TSBP1: variants seen among roughly 807,000 people sequenced by gnomAD.
TSBP1 encodes testis-expressed basic protein 1.
A neutral mutation model predicts 68.8 loss-of-function variants in TSBP1; 56 were observed. That is an observed-to-expected ratio of 0.81 (90% confidence interval 0.66 to 1.02). The LOEUF (loss-of-function observed/expected upper bound fraction) is 1.02, where lower values mean the gene tolerates loss of function less well. Among genes scored for constraint, TSBP1 ranks in the 50% least tolerant of loss-of-function variants. The probability of loss-of-function intolerance (pLI) is 0.00; values close to 1 mark genes in which losing one functional copy is unlikely to be tolerated. For synonymous variants in TSBP1, 171 were observed against 208.7 expected, an observed-to-expected ratio of 0.82 and a Z score of 1.56; for missense variants, 502 against 641.2, an observed-to-expected ratio of 0.78 and a Z score of 2.34.
At chr6:32,358,308 T>C (rs1315973796) in intron 6 of TSBP1, among the ~76,000 whole-genome samples, 2 of 152,140 alleles carry the variant, frequency 1.3e-5, no homozygotes, top group Non-Finnish European at 2.9e-5. Context: ...AAATATGAGA[T>C]GTAAATGACA....
intron 21 of TSBP1, 113 bp from the exon 25 acceptor site, chr6:32,300,049 C>CCACTTAGAAACAGGACTTGGAGGATG (rs1765125612): frequency 1.2e-6 from 1 of 838,808 alleles, no homozygotes; most frequent in Non-Finnish European, 2.0e-6. Context: ...GGAGGGAGCA[C>CCACTTAGAAACAGGACTTGGAGGATG]AAAACTCTGT....
Position 32,343,217 on chromosome 6 carries a change from G to T in TSBP1, c.350-3579C>A. ...TAGGAGCCCAACAACACCAGAGTTT[G>T]AAACAAGAAGATAAACTTACTCATG... On this transcript the variant is annotated intron_variant, in intron 9 of 22. Transcript: ENST00000612031. The surrounding 1 kb of genome is among the most constrained non-coding windows in gnomAD (Gnocchi z 4.3). 1.5e-6 allele frequency: 2 copies of T among 1,370,906 alleles called. No homozygotes were observed. The highest frequency in any genetic ancestry group is 1.9e-6 in the Non-Finnish European group (2 of 1,049,694). 84.9% of individuals were successfully genotyped at this position (1,370,906 alleles called of 1,614,324 possible). A position where few individuals can be genotyped will look rare whatever the true frequency, so the allele number is the denominator to read the frequency against.
At chr6:32,311,342 G>A (rs1766381886) in intron 19 of TSBP1, among the ~76,000 whole-genome samples, 2 of 152,112 alleles carry the variant, frequency 1.3e-5, no homozygotes, top group African/African-American at 4.8e-5. Context: ...TTGATATAGA[G>A]TATATGCTTG....
chr6:32,307,923 G>A (rs1765931128), intron 19 of TSBP1, among the ~76,000 whole-genome samples: 1 of 151,886 alleles, frequency 6.6e-6, no homozygotes, highest in Non-Finnish European at 1.5e-5. Context: ...TGACAAGCAT[G>A]TGCCACCATG....
intron 4 of TSBP1, among the ~76,000 whole-genome samples, chr6:32,367,348 T>C (rs1773874648): frequency 6.6e-6 from 1 of 151,856 alleles, no homozygotes; most frequent in Non-Finnish European, 1.5e-5. Flanking sequence ...TGTTGGGGCG[T>C]GAGGGTTAGG....
chr6:32,345,909 C>T (rs1375626637), intron 9 of TSBP1, among the ~76,000 whole-genome samples: 2 of 152,108 alleles, frequency 1.3e-5, no homozygotes, highest in Non-Finnish European at 2.9e-5. Flanking sequence ...GGATGAATAG[C>T]TTCCTGTGGC....
At chr6:32,329,266 G>A (rs1325904251) in intron 16 of TSBP1, among the ~76,000 whole-genome samples, 1 of 152,186 alleles carries the variant, frequency 6.6e-6, no homozygotes, top group Non-Finnish European at 1.5e-5. Context: ...GGGAATTCAT[G>A]TATCCATGTA....
intron 9 of TSBP1, 89 bp from the exon 11 acceptor site, chr6:32,339,727 C>T: frequency 3.2e-6 from 2 of 629,682 alleles, no homozygotes; most frequent in Non-Finnish European, 5.8e-6. Flanking sequence ...TCCTCCCCCT[C>T]CTCAGGTGTG....
chr6:32,329,009 A>G (rs1768604073), intron 16 of TSBP1, among the ~76,000 whole-genome samples: 1 of 152,162 alleles, frequency 6.6e-6, no homozygotes, highest in African/African-American at 2.4e-5. Flanking sequence ...ATTCCACCCA[A>G]TAATTTTTAT....
rs13196329 is a variant in TSBP1 at position 32,357,594 on chromosome 6, A to C, written c.218-1925T>G. 0.026 allele frequency among the ~76,000 whole-genome samples: 4,022 copies of C among 152,292 alleles called. 79 individuals are homozygous for C. The highest frequency in any genetic ancestry group is 0.048 in the African/African-American group (2,007 of 41,562). On this transcript the variant is annotated intron_variant, in intron 6 of 22. Coordinates refer to ENST00000612031, the Ensembl canonical transcript of TSBP1. This position sits in a 1 kb window ranked among gnomAD's most constrained non-coding sequence, Gnocchi z 4.7. ...ACTATAAGAAGGCAAGAGGAGTATC[A>C]AGGAAACAAGGTAGGAGGCAAGAGA... is the stretch of plus-strand genomic sequence containing the variant.
chr6:32,327,866 ACTGCAAGCTCTGGCTC>A (rs1362597207), intron 16 of TSBP1, among the ~76,000 whole-genome samples: 1 of 150,952 alleles, frequency 6.6e-6, no homozygotes, highest in Non-Finnish European at 1.5e-5. Flanking sequence ...ATCTCGGCTT[ACTGCAAGCTCTGGCTC>A]CTGGGTTCAT....
rs564557202 is a variant in TSBP1, at chr6:32,340,745, T to C, written c.350-1107A>G. Among the ~76,000 whole-genome samples the C allele has an allele frequency of 6.6e-6, 1 of 152,234 alleles. No homozygotes were observed. Among genetic ancestry groups the C allele is most frequent in the South Asian group, 2.1e-4 (1 of 4,822 alleles). ...GAGCAGAAATGTAACACAGGTCATATATATTCCATTCCTGACCTAAAGTAA... is the reference window on the plus strand; with the variant it reads ...GAGCAGAAATGTAACACAGGTCATACATATTCCATTCCTGACCTAAAGTAA... On this transcript the variant is annotated intron_variant, in intron 9 of 22. Coordinates refer to ENST00000612031, the Ensembl canonical transcript of TSBP1. The surrounding 1 kb of genome is among the most constrained non-coding windows in gnomAD (Gnocchi z 4.8).
chr6:32,325,172 G>A lies in TSBP1; in HGVS notation c.515-1558C>T. On this transcript the variant is annotated intron_variant, in intron 16 of 22. Transcript: ENST00000612031. The surrounding 1 kb of genome is among the most constrained non-coding windows in gnomAD (Gnocchi z 4.4). ...ATTTATTTATGCCTTTCTGCCCATGGATGCCATGGAAGAAGCATCATTAAA... is the reference window on the plus strand; with the variant it reads ...ATTTATTTATGCCTTTCTGCCCATGAATGCCATGGAAGAAGCATCATTAAA... 3.7e-6 allele frequency: 2 copies of A among 537,974 alleles called. No individual in the cohort carries two copies. The highest frequency in any genetic ancestry group is 3.3e-6 in the Non-Finnish European group (1 of 305,558). The allele number at this position is 537,974 out of a possible 1,614,324, so 33.3% of individuals were successfully genotyped here.
rs1769915268 is a variant in TSBP1, at chr6:32,338,380, T to C, written c.409+599A>G. ...AAAGGGCTGGCAAAATCTCAGATCATATAAAAGTCATTGTTTCCATTTACC... is the reference window on the plus strand; with the variant it reads ...AAAGGGCTGGCAAAATCTCAGATCACATAAAAGTCATTGTTTCCATTTACC... On this transcript the variant is annotated intron_variant, in intron 11 of 22. Transcript: ENST00000612031. This position sits in a 1 kb window ranked among gnomAD's most constrained non-coding sequence, Gnocchi z 5.5. 1.3e-5 allele frequency among the ~76,000 whole-genome samples: 2 copies of C among 152,184 alleles called. No individual in the cohort carries two copies. Among genetic ancestry groups the C allele is most frequent in the South Asian group, 4.1e-4 (2 of 4,824 alleles).
At position 32,302,697 on chromosome 6, in the gene TSBP1, C is replaced by T; in HGVS notation, c.581-68G>A. ...GGAACAGAAGTACAGTTCTTTCCTACTCCCAATTCCCTAGTTGTTTTTTCT... is the reference window on the plus strand; with the variant it reads ...GGAACAGAAGTACAGTTCTTTCCTATTCCCAATTCCCTAGTTGTTTTTTCT... On this transcript the variant is annotated intron_variant, in intron 19 of 22. Transcript: ENST00000612031. This position sits in a 1 kb window ranked among gnomAD's most constrained non-coding sequence, Gnocchi z 5.1. The T allele has an allele frequency of 8.9e-7, 1 of 1,120,954 alleles. No individual in the cohort carries two copies. The highest frequency in any genetic ancestry group is 1.4e-5 in the South Asian group (1 of 71,030). The allele number at this position is 1,120,954 out of a possible 1,614,324, so 69.4% of individuals were successfully genotyped here.
In TSBP1 at chr6:32,302,766, G is replaced by A. The variant is rs544605059; in HGVS notation, c.581-137C>T. ...CTAGCAGAATACAATGAAATATGAT[G>A]AGACAACAGATCCCTTAGTGTGTTA... On this transcript the variant is annotated intron_variant, in intron 19 of 22. Transcript: ENST00000612031. The surrounding 1 kb of genome is among the most constrained non-coding windows in gnomAD (Gnocchi z 5.1). 2 of 630,374 alleles carry A rather than the reference G, an allele frequency of 3.2e-6. No homozygotes were observed. The highest frequency in any genetic ancestry group is 3.9e-5 in the African/African-American group (2 of 51,652). 39.0% of individuals were successfully genotyped at this position (630,374 alleles called of 1,614,324 possible). A position where few individuals can be genotyped will look rare whatever the true frequency, so the allele number is the denominator to read the frequency against.
chr6:32,294,820 G>T (rs6925335), intron 22 of TSBP1, among the ~76,000 whole-genome samples: 6,964 of 152,030 alleles, frequency 0.046, 354 homozygotes, highest in African/African-American at 0.12. Context: ...CTCAATTCCT[G>T]TGTGATTTAA....
chr6:32,341,629 G>A (rs148073743), intron 9 of TSBP1, among the ~76,000 whole-genome samples: 3 of 152,272 alleles, frequency 2.0e-5, no homozygotes, highest in Non-Finnish European at 2.9e-5. Context: ...CAACAACAGT[G>A]CACTTTGAAA....
chr6:32,365,555 A>T lies in TSBP1; in HGVS notation c.217+612T>A, dbSNP rs1326290027. The T allele has an allele frequency of 2.2e-6, 1 of 456,410 alleles. No individual in the cohort carries two copies. The highest frequency in any genetic ancestry group is 4.4e-6 in the Non-Finnish European group (1 of 226,814). 28.3% of individuals were successfully genotyped at this position (456,410 alleles called of 1,614,324 possible). A position where few individuals can be genotyped will look rare whatever the true frequency, so the allele number is the denominator to read the frequency against. ...CTCTCCTAACCATTCAACTATGCTG[A>T]TCATCTCAATGTTCTGGGTGGAGTG... On this transcript the variant is annotated intron_variant, in intron 6 of 22. Coordinates refer to ENST00000612031, the Ensembl canonical transcript of TSBP1. This position sits in a 1 kb window ranked among gnomAD's most constrained non-coding sequence, Gnocchi z 4.3.
Sources: allele counts gnomAD v4.1 joint callset (sites outside exome capture counted in the v4.1 genomes callset), GRCh38; gene constraint gnomAD v4.1.1; non-coding constraint Gnocchi (gnomAD v3.1); transcripts MANE v1.5; gene names NCBI Gene and HGNC (gene_info 2026-07-23, HGNC 2026-07-21).